The following LHFPL3 variants were observed in gnomAD, a reference collection of about 807,000 sequenced individuals.
The protein encoded by LHFPL3 is LHFPL tetraspan subfamily member 3, also known as LHFPL tetraspan subfamily member 3 protein.
LHFPL3 carries 5 observed loss-of-function variants against 19.3 expected under a neutral mutation model. The ratio of observed to expected loss-of-function variants is 0.26; its 90% CI spans 0.14 to 0.54. LHFPL3 has a LOEUF of 0.54. Among genes scored for constraint, LHFPL3 ranks in the 20% least tolerant of loss-of-function variants. The pLI, the probability that LHFPL3 is intolerant of heterozygous loss-of-function variation, is 0.94. For missense variants in LHFPL3, 249 were observed against 307.4 expected, an observed-to-expected ratio of 0.81 and a Z score of 1.42; for synonymous variants, 133 against 126.2, an observed-to-expected ratio of 1.05 and a Z score of -0.36.
chr7:104,558,455 T>G (rs1308452363), intron 1 of LHFPL3, among the ~76,000 whole-genome samples: 2 of 152,132 alleles, frequency 1.3e-5, no homozygotes, highest in Non-Finnish European at 2.9e-5. Context: ...TTTCATGTGT[T>G]TTTTGGCTGC....
intron 1 of LHFPL3, among the ~76,000 whole-genome samples, chr7:104,722,415 A>T (rs764550539): frequency 6.6e-6 from 1 of 151,994 alleles, no homozygotes; most frequent in Non-Finnish European, 1.5e-5. Flanking sequence ...TCCCTAAGGG[A>T]TGTTACATAT....
intron 1 of LHFPL3, among the ~76,000 whole-genome samples, chr7:104,709,347 G>A (rs1332938316): frequency 2.5e-5 from 3 of 122,224 alleles, no homozygotes; most frequent in African/African-American, 8.2e-5. Context: ...GTGAACAAAG[G>A]TCTCTGGTTT....
At chr7:104,534,061 G>C (rs1031912401) in intron 1 of LHFPL3, among the ~76,000 whole-genome samples, 1 of 152,112 alleles carries the variant, frequency 6.6e-6, no homozygotes, top group African/African-American at 2.4e-5. Context: ...CCCTGCTGAT[G>C]CTGCCTTAAA....
At chr7:104,788,120 G>A (rs1042844992) in intron 2 of LHFPL3, among the ~76,000 whole-genome samples, 6 of 152,124 alleles carry the variant, frequency 3.9e-5, no homozygotes, top group African/African-American at 1.2e-4. Context: ...TTCTGCTCAC[G>A]CGTGGGGGAA....
chr7:104,765,772 T>C (rs994587914), intron 2 of LHFPL3, among the ~76,000 whole-genome samples: 2 of 152,202 alleles, frequency 1.3e-5, no homozygotes, highest in Non-Finnish European at 2.9e-5. Context: ...TGTAATTCTC[T>C]CCCAACAGGT....
At chr7:104,381,923 T>C (rs1296152516) in intron 1 of LHFPL3, among the ~76,000 whole-genome samples, 1 of 152,198 alleles carries the variant, frequency 6.6e-6, no homozygotes, top group Non-Finnish European at 1.5e-5. Flanking sequence ...CTGCCAAATA[T>C]TAGCATAGAA....
chr7:104,448,595 C>A (rs188002309), intron 1 of LHFPL3, among the ~76,000 whole-genome samples: 21 of 152,140 alleles, frequency 1.4e-4, no homozygotes, highest in Non-Finnish European at 2.6e-4. Flanking sequence ...TATTTTGGAA[C>A]CTCTTTTTGA....
chr7:104,876,041 A>G (rs895749083), intron 2 of LHFPL3, among the ~76,000 whole-genome samples: 1 of 152,248 alleles, frequency 6.6e-6, no homozygotes, highest in Non-Finnish European at 1.5e-5. Flanking sequence ...ATGATTCTCT[A>G]TTTAATAAAT....
intron 1 of LHFPL3, among the ~76,000 whole-genome samples, chr7:104,513,660 C>T (rs1263682977): frequency 2.6e-5 from 4 of 152,144 alleles, no homozygotes; most frequent in African/African-American, 9.7e-5. Context: ...TCTCTCCCCT[C>T]CTAGTATTCA....
At chr7:104,866,896 G>C (rs780040444) in intron 2 of LHFPL3, among the ~76,000 whole-genome samples, 58 of 152,202 alleles carry the variant, frequency 3.8e-4, no homozygotes, top group Non-Finnish European at 6.6e-4. Context: ...ACAGTGCAAT[G>C]AAACTAGAAC....
chr7:104,846,878 C>G (rs901260967), intron 2 of LHFPL3, among the ~76,000 whole-genome samples: 2 of 152,208 alleles, frequency 1.3e-5, no homozygotes, highest in African/African-American at 4.8e-5. Flanking sequence ...GTACATGATG[C>G]TAAGTTTGCT....
At chr7:104,330,010 C>T (rs1399747330) in intron 1 of LHFPL3, among the ~76,000 whole-genome samples, 1 of 152,202 alleles carries the variant, frequency 6.6e-6, no homozygotes, top group Non-Finnish European at 1.5e-5. Context: ...GTTTCATTAG[C>T]ATCTCCGATC....
Position 104,502,970 on chromosome 7 carries a change from G to T in LHFPL3, c.445+173746G>T, listed in dbSNP as rs947747063. On this transcript the variant is annotated intron_variant, in intron 1 of 2. Transcript: ENST00000424859. The stretch of plus-strand genomic sequence containing the variant: ...ATAAATCATTTCAAATTTTCTGGAA[G>T]TTAATTAAAAAATAATAACGCCTTA... Among the ~76,000 whole-genome samples the T allele has an allele frequency of 2.6e-5, 4 of 152,168 alleles. No individual in the cohort carries two copies. In the South Asian group the frequency reaches 8.3e-4, roughly 32 times the overall value.
At chr7:104,882,780 A>G (rs1792081838) in intron 2 of LHFPL3, among the ~76,000 whole-genome samples, 1 of 152,168 alleles carries the variant, frequency 6.6e-6, no homozygotes, top group African/African-American at 2.4e-5. Flanking sequence ...GTGTTTTATG[A>G]TATGTGAATT....
chr7:104,438,162 C>A (rs964096307), intron 1 of LHFPL3, among the ~76,000 whole-genome samples: 29 of 152,318 alleles, frequency 1.9e-4, no homozygotes, highest in African/African-American at 6.7e-4. Flanking sequence ...TTTAGGAGCT[C>A]TGTGCCAGGA....
intron 1 of LHFPL3, among the ~76,000 whole-genome samples, chr7:104,408,758 C>T (rs1054117382): frequency 6.6e-6 from 1 of 152,056 alleles, no homozygotes; most frequent in Non-Finnish European, 1.5e-5. Flanking sequence ...GGCATGTTCT[C>T]ACTCATTGGA....
At chr7:104,736,479 C>A (rs1204686141) in intron 1 of LHFPL3, among the ~76,000 whole-genome samples, 196 bp from the exon 2 acceptor site, 5 of 150,644 alleles carry the variant, frequency 3.3e-5, no homozygotes, top group Non-Finnish European at 5.9e-5. Flanking sequence ...CCTTAACCAG[C>A]AACACACACA....
chr7:104,835,583 CT>C (rs71155528), intron 2 of LHFPL3, among the ~76,000 whole-genome samples: 28,873 of 143,726 alleles, frequency 0.2, 3,028 homozygotes, highest in East Asian at 0.31. Flanking sequence ...ACTTTGTTTT[CT>C]TTTTTTTTTT....
intron 1 of LHFPL3, among the ~76,000 whole-genome samples, chr7:104,710,513 T>C (rs1451425596): frequency 6.6e-6 from 1 of 152,188 alleles, no homozygotes; most frequent in Non-Finnish European, 1.5e-5. Context: ...TCCCTGAAAC[T>C]GTAAAAAATT....
Sources: allele counts gnomAD v4.1 joint callset (sites outside exome capture counted in the v4.1 genomes callset), GRCh38; gene constraint gnomAD v4.1.1; transcripts MANE v1.5; gene names NCBI Gene and HGNC (gene_info 2026-07-23, HGNC 2026-07-21).